The following MADD variants were observed in gnomAD, a reference collection of about 807,000 sequenced individuals.
MADD encodes MAP kinase-activating death domain protein.
A neutral mutation model predicts 176.7 loss-of-function variants in MADD; 109 were observed. The observed-to-expected ratio is 0.62, with a 90% confidence interval of 0.53 to 0.72. The LOEUF is 0.72. Ranked by LOEUF, MADD falls within the 30% of genes least tolerant of loss-of-function variation. The pLI is 0.00. For synonymous variants in MADD, 771 were observed against 771.3 expected (o/e 1.00, Z 0.01); for missense variants, 1,914 against 2,045.5 (o/e 0.94, Z 1.24).
intron 24 of MADD, 39 bp downstream of exon 27, chr11:47,309,440 A>G (rs41304347): frequency 0.1 from 161,568 of 1,613,830 alleles, 8,723 homozygotes; most frequent in South Asian, 0.11. Context: ...CAGCAAACTC[A>G]GCCTCCTCCC....
intron 4 of MADD, 165 bp from the exon 5 acceptor site, chr11:47,276,567 C>T (rs750268161): frequency 1.4e-6 from 1 of 739,040 alleles, no homozygotes; most frequent in Non-Finnish European, 2.2e-6. Flanking sequence ...ACCATTGTGC[C>T]TGGATTGGGA....
At position 47,270,174 on chromosome 11, in the gene MADD, G is replaced by T. The variant is rs551975480; in HGVS notation, c.-161G>T. The stretch of plus-strand genomic sequence containing the variant: ...TGGCGCCCGCTCGGAGCGGCGCCGC[G>T]CTGGGGAGCGACTGACGCCCCGCTG... On this transcript the variant is annotated 5_prime_UTR_variant, in exon 1 of 33. Transcript: ENST00000402192. 8.3e-3 allele frequency: 1,258 copies of T among 152,194 alleles called. 5 individuals are homozygous for T. The highest frequency in any genetic ancestry group is 0.014 in the African/African-American group (593 of 41,530). The allele number at this position is 152,194 out of a possible 1,614,324, so 9.4% of individuals were successfully genotyped here.
chr11:47,275,989 G>T, exon 4 of MADD: 1 of 1,614,166 alleles, frequency 6.2e-7, no homozygotes, highest in Non-Finnish European at 8.5e-7. Flanking sequence ...TTGAGGCCTG[G>T]ATCTATCGAT....
intron 21 of MADD, 152 bp downstream of exon 23, chr11:47,295,731 A>T: frequency 1.3e-6 from 2 of 1,529,612 alleles, no homozygotes; most frequent in Non-Finnish European, 1.8e-6. Context: ...TGTGTATACG[A>T]GATTTCACCC....
At chr11:47,281,776 A>C in intron 8 of MADD, 23 bp downstream of exon 8, 1 of 1,540,802 alleles carries the variant, frequency 6.5e-7, no homozygotes, top group Non-Finnish European at 8.8e-7. Context: ...CGACTGTATA[A>C]TCACAAGTTC....
At chr11:47,290,895 C>T in intron 19 of MADD, 79 bp downstream of exon 20, 1 of 1,119,098 alleles carries the variant, frequency 8.9e-7, no homozygotes, top group South Asian at 1.5e-5. Context: ...ATCCAGAATC[C>T]TGCCTTTCTC....
At chr11:47,302,283 C>T (rs900311009) in intron 22 of MADD, among the ~76,000 whole-genome samples, 4 of 151,940 alleles carry the variant, frequency 2.6e-5, no homozygotes, top group South Asian at 2.1e-4. Flanking sequence ...GCGCAATCTC[C>T]GCTCACTGCA....
exon 33 of MADD, chr11:47,329,417 C>G (rs2095808296): frequency 2.1e-6 from 1 of 481,608 alleles, no homozygotes; most frequent in African/African-American, 1.9e-5. Context: ...CCGGTGTGAA[C>G]CCACTATTTT....
intron 3 of MADD, 41 bp from the exon 4 acceptor site, chr11:47,275,858 T>C: frequency 1.3e-6 from 2 of 1,558,514 alleles, no homozygotes; most frequent in Non-Finnish European, 1.7e-6. Flanking sequence ...GGTATCAGCT[T>C]CTGATGCTAA....
At chr11:47,290,324 C>A in intron 18 of MADD, 25 bp downstream of exon 19, 1 of 1,607,854 alleles carries the variant, frequency 6.2e-7, no homozygotes. Flanking sequence ...TGCTGGGCAC[C>A]ACGCCATCCC....
At position 47,290,603 on chromosome 11, in the gene MADD, C is replaced by T. The variant is rs906121248; in HGVS notation, c.3095-7C>T. On this transcript the variant is annotated splice_region_variant and splice_polypyrimidine_tract_variant and intron_variant, in intron 18 of 32. Transcript: ENST00000402192. ...CTTCTCTTGACCTCTTGATATTTTT[C>T]CCTCAGAACCAGACAAGCGGAAGAG... 5 of 1,609,272 alleles carry T rather than the reference C, an allele frequency of 3.1e-6. No homozygotes were observed. The African/African-American group carries it at 4.0e-5, about 13-fold the overall frequency.
At chr11:47,291,010 C>T (rs1326686625) in intron 19 of MADD, among the ~76,000 whole-genome samples, 194 bp downstream of exon 20, 1 of 152,082 alleles carries the variant, frequency 6.6e-6, no homozygotes, top group Non-Finnish European at 1.5e-5. Flanking sequence ...AGCCACCCCC[C>T]ACCCCGTATC....
chr11:47,289,563 G>T, intron 16 of MADD, 70 bp downstream of exon 17: 1 of 1,284,056 alleles, frequency 7.8e-7, no homozygotes, highest in Non-Finnish European at 1.1e-6. Context: ...AGAACTTTAG[G>T]GATGCTCAAG....
intron 1 of MADD, 40 bp from the exon 2 acceptor site, chr11:47,273,787 G>A: frequency 2.7e-6 from 2 of 739,504 alleles, no homozygotes; most frequent in East Asian, 5.4e-5. Context: ...AGTCCCTTAG[G>A]CACAGCAGTG....
At chr11:47,288,911 G>C (rs1426793245) in intron 15 of MADD, 57 bp from the exon 16 acceptor site, 1 of 1,220,958 alleles carries the variant, frequency 8.2e-7, no homozygotes, top group African/African-American at 1.5e-5. Flanking sequence ...CTCCTCGGAG[G>C]GGTAGAGGGG....
exon 3 of MADD, chr11:47,274,856 A>C (rs1342153993): frequency 8.7e-6 from 14 of 1,614,200 alleles, no homozygotes; most frequent in Non-Finnish European, 1.2e-5. Flanking sequence ...TCCCGTGGGA[A>C]GGAAGGAACC....
chr11:47,295,456 G>T, intron 20 of MADD, 40 bp from the exon 23 acceptor site: 2 of 1,509,548 alleles, frequency 1.3e-6, no homozygotes, highest in Non-Finnish European at 1.8e-6. Context: ...ACTGAGAGGA[G>T]ATTGGACACC....
chr11:47,290,483 C>T (rs2064216825), intron 18 of MADD, 127 bp from the exon 20 acceptor site: 2 of 1,243,474 alleles, frequency 1.6e-6, no homozygotes, highest in Non-Finnish European at 1.1e-6. Flanking sequence ...AAAAATAAGA[C>T]ATCAGCTCAT....
exon 2 of MADD, chr11:47,273,866 T>G: frequency 6.5e-7 from 1 of 1,546,304 alleles, no homozygotes; most frequent in Non-Finnish European, 8.9e-7. Flanking sequence ...TGCTGACTCC[T>G]TGCTTGGTGC....
Sources: gnomAD v4.1 joint callset for allele counts (sites outside exome capture counted in the v4.1 genomes callset) on GRCh38, gnomAD v4.1.1 for gene constraint, MANE v1.5 for transcripts, NCBI Gene and HGNC (gene_info 2026-07-23, HGNC 2026-07-21) for gene names.